Variants in MAML2 observed in about 807,000 individuals in gnomAD.
The protein encoded by MAML2 is mastermind like transcriptional coactivator 2.
A neutral mutation model predicts 96.1 loss-of-function variants in MAML2; 22 were observed. The observed-to-expected ratio is 0.23, with a 90% CI of 0.16 to 0.33. MAML2 has a LOEUF of 0.33. MAML2 is among the 10% of genes least tolerant of loss of function. The probability of loss-of-function intolerance (pLI) is 1.00; values close to 1 mark genes in which losing one functional copy is unlikely to be tolerated. For synonymous variants in MAML2, 561 were observed against 521.3 expected (o/e 1.08, Z -1.04); for missense variants, 1,367 against 1,392.4 (o/e 0.98, Z 0.29).
chr11:96,004,447 T>A (rs900180216), intron 2 of MAML2, among the ~76,000 whole-genome samples: 2 of 151,786 alleles, frequency 1.3e-5, no homozygotes, highest in African/African-American at 4.8e-5. Context: ...CCTTTGGGAA[T>A]AAAAAAAACC....
chr11:96,056,107 G>A (rs1182421231), intron 2 of MAML2, among the ~76,000 whole-genome samples: 7 of 152,104 alleles, frequency 4.6e-5, no homozygotes, highest in Non-Finnish European at 7.4e-5. Flanking sequence ...CCTGGAAGGC[G>A]GTTTTCATCT....
At chr11:96,048,494 G>T (rs1487096926) in intron 2 of MAML2, among the ~76,000 whole-genome samples, 1 of 152,012 alleles carries the variant, frequency 6.6e-6, no homozygotes, top group Non-Finnish European at 1.5e-5. Context: ...GAAAGAAAAT[G>T]ATTTTAAATT....
chr11:96,200,130 A>G (rs1565246373), intron 1 of MAML2, among the ~76,000 whole-genome samples: 1 of 152,230 alleles, frequency 6.6e-6, no homozygotes, highest in Non-Finnish European at 1.5e-5. Context: ...CACCTTTGGA[A>G]CACAGTAAGA....
At position 96,092,947 on chromosome 11, in the gene MAML2, T is replaced by A. The variant is rs1293011425; in HGVS notation, c.1084A>T (p.Ile362Leu). The A allele has an allele frequency of 1.9e-6, 3 of 1,612,522 alleles. No individual in the cohort carries two copies. Among genetic ancestry groups the A allele is most frequent in the Non-Finnish European group, 2.5e-6 (3 of 1,179,134 alleles). The stretch of plus-strand genomic sequence containing the variant: ...GGTGAGTATTCACTTTTGATCACTA[T>A]TTTCTCCATGGGTAAGGAGGGCCTA... ...TPRPSLPMEK[I>L]VIKSEYSPGL... The change falls in exon 2 of 5, where the codon ATA becomes TTA. Residue 362 changes from isoleucine to leucine, a missense_variant. Physicochemically the swap from Ile to Leu is conservative, Grantham distance 5. Transcript: ENST00000524717. The surrounding 1 kb of genome is among the most constrained non-coding windows in gnomAD (Gnocchi z 4.1).
At chr11:96,197,587 C>A (rs1861750039) in intron 1 of MAML2, among the ~76,000 whole-genome samples, 1 of 152,200 alleles carries the variant, frequency 6.6e-6, no homozygotes, top group South Asian at 2.1e-4. Flanking sequence ...CATCCTTAAC[C>A]TGTATCTCCC....
At chr11:96,100,308 T>C (rs1859903270) in intron 1 of MAML2, among the ~76,000 whole-genome samples, 3 of 152,018 alleles carry the variant, frequency 2.0e-5, no homozygotes, top group Admixed American at 1.3e-4. Flanking sequence ...TTGTTGTTTT[T>C]CTTTCTTTTT....
intron 2 of MAML2, among the ~76,000 whole-genome samples, chr11:96,002,997 G>GGATGATGATGGGGATGATGAA (rs1465547046): frequency 7.0e-6 from 1 of 142,924 alleles, no homozygotes; most frequent in East Asian, 2.2e-4. Flanking sequence ...GTGATGATGA[G>GGATGATGATGGGGATGATGAA]GATGATGATG....
intron 1 of MAML2, among the ~76,000 whole-genome samples, chr11:96,247,804 G>C (rs1286287081): frequency 6.6e-6 from 1 of 151,946 alleles, no homozygotes; most frequent in Non-Finnish European, 1.5e-5. Flanking sequence ...CTTACTCCCA[G>C]TTGCTGGATG....
intron 3 of MAML2, among the ~76,000 whole-genome samples, chr11:95,987,405 G>A (rs1857844436): frequency 6.6e-6 from 1 of 152,104 alleles, no homozygotes; most frequent in Admixed American, 6.5e-5. Context: ...ATCTTGTTTG[G>A]TATGGATCAG....
intron 1 of MAML2, among the ~76,000 whole-genome samples, chr11:96,205,978 T>C (rs1861889792): frequency 6.6e-6 from 1 of 152,250 alleles, no homozygotes; most frequent in Admixed American, 6.5e-5. Flanking sequence ...AGTTTACTTT[T>C]GTGCCTAAGG....
At chr11:96,323,066 G>C (rs183708704) in intron 1 of MAML2, among the ~76,000 whole-genome samples, 1 of 150,962 alleles carries the variant, frequency 6.6e-6, no homozygotes, top group East Asian at 1.9e-4. Context: ...AACTCAAGAA[G>C]CTGGATCATT....
At chr11:96,119,434 G>A (rs891735872) in intron 1 of MAML2, among the ~76,000 whole-genome samples, 1 of 152,196 alleles carries the variant, frequency 6.6e-6, no homozygotes, top group Admixed American at 6.5e-5. Context: ...CCTGGAAACA[G>A]GTTGTCCCCT....
At chr11:96,196,048 CATAG>C (rs1332552680) in intron 1 of MAML2, among the ~76,000 whole-genome samples, 1 of 152,100 alleles carries the variant, frequency 6.6e-6, no homozygotes, top group Non-Finnish European at 1.5e-5. Context: ...CATTTCCTTG[CATAG>C]ATACATATCT....
intron 1 of MAML2, among the ~76,000 whole-genome samples, chr11:96,255,976 C>T (rs1259897265): frequency 1.4e-5 from 2 of 147,508 alleles, no homozygotes; most frequent in Admixed American, 7.0e-5. Flanking sequence ...CGGGTTCAAG[C>T]GATTCTCCTC....
chr11:96,179,414 T>A (rs1347017537), intron 1 of MAML2, among the ~76,000 whole-genome samples: 1 of 152,186 alleles, frequency 6.6e-6, no homozygotes, highest in Non-Finnish European at 1.5e-5. Flanking sequence ...CCTTCCTTAT[T>A]TCTTTAACCC....
chr11:96,252,791 T>A (rs1487052222), intron 1 of MAML2, among the ~76,000 whole-genome samples: 2 of 152,220 alleles, frequency 1.3e-5, no homozygotes, highest in African/African-American at 4.8e-5. Context: ...GCATAAGCAG[T>A]CTGGCTTCAG....
chr11:96,025,466 G>A (rs1858502353), intron 2 of MAML2, among the ~76,000 whole-genome samples: 2 of 152,158 alleles, frequency 1.3e-5, no homozygotes, highest in African/African-American at 2.4e-5. Context: ...CTCGAGTGAC[G>A]AGATAATTCA....
chr11:96,158,328 C>A (rs1001041645), intron 1 of MAML2, among the ~76,000 whole-genome samples: 1 of 152,130 alleles, frequency 6.6e-6, no homozygotes, highest in African/African-American at 2.4e-5. Flanking sequence ...TTTGTTGGTC[C>A]TGGGGTGACC....
chr11:96,003,714 T>C (rs1012731740), intron 2 of MAML2, among the ~76,000 whole-genome samples: 1 of 152,166 alleles, frequency 6.6e-6, no homozygotes, highest in Admixed American at 6.5e-5. Flanking sequence ...GTATCTGGTA[T>C]ACAACAGATT....
Sources: allele counts gnomAD v4.1 joint callset (sites outside exome capture counted in the v4.1 genomes callset), GRCh38; gene constraint gnomAD v4.1.1; non-coding constraint Gnocchi (gnomAD v3.1); transcripts MANE v1.5; gene names NCBI Gene and HGNC (gene_info 2026-07-23, HGNC 2026-07-21).